MBP: variants seen among roughly 807,000 people sequenced by gnomAD.
MBP encodes the protein myelin basic protein.
MBP carries 16 observed loss-of-function variants against 35.8 expected under a neutral mutation model. The ratio of observed to expected loss-of-function variants is 0.45; its 90% confidence interval spans 0.30 to 0.68. The LOEUF (loss-of-function observed/expected upper bound fraction) is 0.68, where lower values mean the gene tolerates loss of function less well. Ranked by LOEUF, MBP falls within the 30% of genes least tolerant of loss-of-function variation. The probability of loss-of-function intolerance (pLI) is 0.08; values close to 1 mark genes in which losing one functional copy is unlikely to be tolerated. For synonymous variants in MBP, 143 were observed against 159.6 expected (o/e 0.90, Z 0.78); for missense variants, 380 against 404.7 (o/e 0.94, Z 0.52).
At chr18:77,081,837 C>T (rs1377952835) in intron 2 of MBP, among the ~76,000 whole-genome samples, 3 of 13,056 alleles carry the variant, frequency 2.3e-4, no homozygotes, top group Non-Finnish European at 4.6e-4. Context: ...CACACACACA[C>T]ACACATATAT....
rs56844180 is a variant in MBP, at chr18:77,131,025, CAAA to C, written c.-26+1552_-26+1554del. On this transcript the variant is annotated intron_variant, in intron 1 of 8. Transcript: ENST00000355994. The surrounding 1 kb of genome is among the most constrained non-coding windows in gnomAD (Gnocchi z 5.5). The stretch of plus-strand genomic sequence containing the variant: ...TTCCCTCAGATTTCTGTTTTTCCCA[CAAA>C]AAAAAAAAAAAAACAAAACCTCAAA... Among the ~76,000 whole-genome samples, 2 of 130,078 alleles carry C rather than the reference CAAA, an allele frequency of 1.5e-5. No individual in the cohort carries two copies. The highest frequency in any genetic ancestry group is 2.5e-4 in the South Asian group (1 of 4,038). The allele number at this position is 130,078 out of a possible 152,430, so 85.3% of individuals were successfully genotyped here.
chr18:77,086,007 T>A (rs1975217532), intron 2 of MBP, among the ~76,000 whole-genome samples: 1 of 151,224 alleles, frequency 6.6e-6, no homozygotes, highest in African/African-American at 2.4e-5. Context: ...AGAGAGAGAG[T>A]GACAGACAGA....
At chr18:77,048,527 G>A (rs1031388740) in intron 3 of MBP, among the ~76,000 whole-genome samples, 65 of 148,342 alleles carry the variant, frequency 4.4e-4, no homozygotes, top group African/African-American at 1.6e-3. Flanking sequence ...GGAGTGCAAT[G>A]GTGTGATCTT....
intron 3 of MBP, among the ~76,000 whole-genome samples, chr18:77,059,173 G>C (rs1249684492): frequency 1.3e-5 from 2 of 152,224 alleles, no homozygotes; most frequent in Non-Finnish European, 2.9e-5. Context: ...ATGGTTTCTA[G>C]TAGCAAACTT....
intron 3 of MBP, among the ~76,000 whole-genome samples, chr18:77,058,428 G>A (rs894136145): frequency 2.6e-5 from 4 of 152,158 alleles, no homozygotes; most frequent in Admixed American, 6.5e-5. Context: ...CGCACAGCTC[G>A]CCAGCCACGG....
chr18:77,092,097 A>G (rs1452760752), intron 2 of MBP, among the ~76,000 whole-genome samples: 1 of 152,292 alleles, frequency 6.6e-6, no homozygotes, highest in Admixed American at 6.5e-5. Flanking sequence ...AAGCAAGCAC[A>G]GATTTTAGAC....
At chr18:77,084,550 A>G (rs1190048169) in intron 2 of MBP, among the ~76,000 whole-genome samples, 1 of 151,840 alleles carries the variant, frequency 6.6e-6, no homozygotes, top group African/African-American at 2.4e-5. Flanking sequence ...CCTTGTAGCC[A>G]AGGATCATTA....
chr18:77,042,191 G>A (rs1208765044), intron 3 of MBP, among the ~76,000 whole-genome samples: 2 of 152,146 alleles, frequency 1.3e-5, no homozygotes, highest in Non-Finnish European at 2.9e-5. Context: ...ATTAAGAAGC[G>A]AGGGCAAGGG....
intron 3 of MBP, among the ~76,000 whole-genome samples, chr18:77,027,407 C>T (rs763123658): frequency 7.2e-5 from 11 of 152,346 alleles, no homozygotes; most frequent in Middle Eastern, 6.8e-3. Flanking sequence ...TGAGGCCCAC[C>T]GAGCAGAGGC....
rs142879751 is a variant in MBP at position 77,123,457 on chromosome 18, T to C, written c.-26+9123A>G. Among the ~76,000 whole-genome samples the C allele has an allele frequency of 1.8e-4, 28 of 152,336 alleles. No individual in the cohort carries two copies. In the East Asian group the frequency reaches 4.6e-3, roughly 25 times the overall value. On this transcript the variant is annotated intron_variant, in intron 1 of 8. Transcript: ENST00000355994. ...CTTCCTGATCACATGAAAGCACACA[T>C]TTGAGAGCTTGTGTGGGTCTATTCA...
Position 76,980,186 on chromosome 18 carries a change from G to T in MBP, c.*241C>A. ...GTCTGGGGGCACATTGCGGGGGAAG[G>T]AACGTGATCTTCACACAGAAAGGGA... is the stretch of plus-strand genomic sequence containing the variant. On this transcript the variant is annotated 3_prime_UTR_variant, in exon 9 of 9. Coordinates refer to ENST00000355994, the MANE Select transcript of MBP (RefSeq NM_001025101.2). The T allele has an allele frequency of 1.6e-6, 1 of 635,136 alleles. No individual in the cohort carries two copies. Among genetic ancestry groups the T allele is most frequent in the South Asian group, 1.8e-5 (1 of 55,014 alleles). 39.3% of individuals were successfully genotyped at this position (635,136 alleles called of 1,614,324 possible).
At chr18:77,051,197 T>C (rs1973474644) in intron 3 of MBP, among the ~76,000 whole-genome samples, 1 of 152,176 alleles carries the variant, frequency 6.6e-6, no homozygotes. Flanking sequence ...ATGATTGCAT[T>C]GTAGCCTTGA....
rs1971977982 is a variant in MBP, at chr18:77,021,335, A to T, written c.140-4067T>A. Among the ~76,000 whole-genome samples the T allele has an allele frequency of 2.0e-5, 3 of 152,282 alleles. No individual in the cohort carries two copies. In the South Asian group the frequency reaches 6.2e-4, roughly 31 times the overall value. On this transcript the variant is annotated intron_variant, in intron 3 of 8. Coordinates refer to ENST00000355994, the MANE Select transcript of MBP (RefSeq NM_001025101.2). ...ACCACCAGAATTGGAACCCAGGTTC[A>T]GCAATTCTTGTAGAAACTTTAAATA...
chr18:77,006,084 C>T (rs1970954262), intron 4 of MBP: 1 of 152,232 alleles, frequency 6.6e-6, no homozygotes, highest in Non-Finnish European at 1.5e-5. Flanking sequence ...GGTTCTTCCT[C>T]CTGTGCTTTC....
intron 2 of MBP, among the ~76,000 whole-genome samples, chr18:77,098,019 T>C (rs1396864777): frequency 6.6e-6 from 1 of 152,134 alleles, no homozygotes; most frequent in Non-Finnish European, 1.5e-5. Flanking sequence ...CCGTAGCTTC[T>C]CTTGCTGGCC....
intron 3 of MBP, among the ~76,000 whole-genome samples, chr18:77,030,703 T>C (rs570093177): frequency 6.6e-6 from 1 of 152,380 alleles, no homozygotes; most frequent in African/African-American, 2.4e-5. Flanking sequence ...ATTCACACAA[T>C]GGAAAAATGT....
chr18:77,054,800 C>T (rs1364310078), intron 3 of MBP, among the ~76,000 whole-genome samples: 1 of 152,094 alleles, frequency 6.6e-6, no homozygotes, highest in Non-Finnish European at 1.5e-5. Context: ...GTGACGTCAC[C>T]ATGCACACAT....
At chr18:77,053,121 G>A (rs1236500871) in intron 3 of MBP, among the ~76,000 whole-genome samples, 4 of 152,248 alleles carry the variant, frequency 2.6e-5, no homozygotes, top group Non-Finnish European at 5.9e-5. Flanking sequence ...AGCAGAGAGG[G>A]GAACAGCACA....
At chr18:77,083,024 G>A (rs752649144) in intron 2 of MBP, among the ~76,000 whole-genome samples, 1 of 151,736 alleles carries the variant, frequency 6.6e-6, no homozygotes, top group African/African-American at 2.4e-5. Context: ...ACCCAGGCTA[G>A]AGTGAAGTGG....
Sources: allele counts gnomAD v4.1 joint callset (sites outside exome capture counted in the v4.1 genomes callset), GRCh38; gene constraint gnomAD v4.1.1; non-coding constraint Gnocchi (gnomAD v3.1); transcripts MANE v1.5; gene names NCBI Gene and HGNC (gene_info 2026-07-23, HGNC 2026-07-21).